Variants in DCX observed in about 807,000 individuals in gnomAD.
DCX encodes neuronal migration protein doublecortin.
In DCX, 4 loss-of-function variants were observed where a neutral mutation model predicts 20.9. The observed-to-expected ratio is 0.19, with a 90% confidence interval of 0.09 to 0.44. The LOEUF is 0.44. DCX is among the 20% of genes least tolerant of loss of function. The pLI is 0.99. For synonymous variants in DCX, 103 were observed against 111.4 expected, an observed-to-expected ratio of 0.92 and a Z score of 0.47; for missense variants, 133 against 296.9, an observed-to-expected ratio of 0.45 and a Z score of 4.06.
intron 3 of DCX, among the ~76,000 whole-genome samples, chrX:111,337,769 G>C (rs1301674736): frequency 1.8e-5 from 2 of 112,181 alleles, no homozygotes; most frequent in Admixed American, 9.5e-5. Context: ...TTCTTCAAAA[G>C]TTCAATTCTA....
chrX:111,345,354 C>T (rs1484502962), intron 3 of DCX, among the ~76,000 whole-genome samples: 1 of 111,943 alleles, frequency 8.9e-6, no homozygotes, highest in Non-Finnish European at 1.9e-5. Context: ...ACGACAAAAA[C>T]GTCAAAAGCA....
intron 3 of DCX, among the ~76,000 whole-genome samples, chrX:111,386,961 C>T (rs1361082737): frequency 9.0e-6 from 1 of 111,280 alleles, no homozygotes; most frequent in Non-Finnish European, 1.9e-5. Flanking sequence ...CTTTGAATAG[C>T]GGGTAACACA....
intron 3 of DCX, among the ~76,000 whole-genome samples, chrX:111,386,637 T>A (rs371930790): frequency 4.5e-5 from 5 of 110,619 alleles, no homozygotes; most frequent in Admixed American, 1.9e-4. Context: ...ACAGTTGGGG[T>A]TGACATAGAG....
At chrX:111,399,099 G>A (rs1927567804) in intron 3 of DCX, among the ~76,000 whole-genome samples, 1 of 111,078 alleles carries the variant, frequency 9.0e-6, no homozygotes, top group African/African-American at 3.3e-5. Flanking sequence ...GGGTGACAGA[G>A]TGAGACTCTG....
chrX:111,300,977 G>A lies in DCX; in HGVS notation c.*710C>T, dbSNP rs1464942689. ...TTATTGATTCCAAATTGCCTCAGTG[G>A]AGAGATTGACCAGGAATTCACTGTG... is the stretch of plus-strand genomic sequence containing the variant. On this transcript the variant is annotated 3_prime_UTR_variant, in exon 7 of 7. Transcript: ENST00000636035. The A allele has an allele frequency of 1.8e-5, 2 of 113,367 alleles. No individual in the cohort carries two copies. The highest frequency in any genetic ancestry group is 3.7e-5 in the Non-Finnish European group (2 of 53,957). 9.3% of individuals were successfully genotyped at this position (113,367 alleles called of 1,213,427 possible).
intron 6 of DCX, among the ~76,000 whole-genome samples, chrX:111,304,496 A>C (rs1603411686): frequency 8.9e-6 from 1 of 111,840 alleles, no homozygotes; most frequent in African/African-American, 3.2e-5. Context: ...TGTACCGGTG[A>C]AAAACAGCAA....
chrX:111,391,118 C>T (rs1031301310), intron 3 of DCX, among the ~76,000 whole-genome samples: 1 of 110,968 alleles, frequency 9.0e-6, no homozygotes, highest in Admixed American at 9.6e-5. Flanking sequence ...TTGTAATTCC[C>T]AATTTTGGAG....
In DCX at chrX:111,296,248, C is replaced by T. The variant is rs757285791; in HGVS notation, c.*5439G>A. On this transcript the variant is annotated 3_prime_UTR_variant, in exon 7 of 7. Coordinates refer to ENST00000636035, the MANE Select transcript of DCX (RefSeq NM_001195553.2). The stretch of plus-strand genomic sequence containing the variant: ...GTTATTGACCTAGTAATGAGAAACG[C>T]TAATGCCTTCAAGTCTTTGCCTTAC... 6 of 111,947 alleles carry T rather than the reference C, an allele frequency of 5.4e-5. No individual in the cohort carries two copies. The highest frequency in any genetic ancestry group is 1.9e-4 in the African/African-American group (6 of 30,803). 9.2% of individuals were successfully genotyped at this position (111,947 alleles called of 1,213,427 possible). A position where few individuals can be genotyped will look rare whatever the true frequency, so the allele number is the denominator to read the frequency against.
At chrX:111,372,843 G>A (rs773833648) in intron 3 of DCX, among the ~76,000 whole-genome samples, 1 of 111,882 alleles carries the variant, frequency 8.9e-6, no homozygotes, top group East Asian at 2.8e-4. Context: ...AAGGGAGTGA[G>A]AAGAGGATGA....
intron 3 of DCX, among the ~76,000 whole-genome samples, chrX:111,335,049 C>G (rs781298082): frequency 1.8e-5 from 2 of 111,848 alleles, no homozygotes; most frequent in Non-Finnish European, 3.8e-5. Flanking sequence ...GCCCTTAACT[C>G]TGATACACCA....
chrX:111,318,384 T>C (rs2095078802), intron 5 of DCX, among the ~76,000 whole-genome samples: 1 of 104,917 alleles, frequency 9.5e-6, no homozygotes, highest in Non-Finnish European at 1.9e-5. Flanking sequence ...ATAATAATAA[T>C]AATAACAATA....
At chrX:111,320,607 T>C (rs1007802772) in intron 5 of DCX, among the ~76,000 whole-genome samples, 1 of 111,269 alleles carries the variant, frequency 9.0e-6, no homozygotes, top group African/African-American at 3.3e-5. Flanking sequence ...AACCACAGCA[T>C]TGTCTCACTG....
intron 3 of DCX, among the ~76,000 whole-genome samples, chrX:111,364,788 G>T (rs142948932): frequency 1.8e-5 from 2 of 111,860 alleles, no homozygotes; most frequent in African/African-American, 6.5e-5. Context: ...GCTCTGAAAG[G>T]CCACAGTCAC....
intron 1 of DCX, chrX:111,411,145 AGCTGGGGGG>A: frequency 2.2e-6 from 1 of 453,914 alleles, no homozygotes; most frequent in Admixed American, 3.8e-5. Context: ...ATAAGAAATA[AGCTGGGGGG>A]AAAAAGGATT....
chrX:111,325,279 A>G (rs931337428), intron 5 of DCX, among the ~76,000 whole-genome samples: 1 of 111,258 alleles, frequency 9.0e-6, no homozygotes, highest in Non-Finnish European at 1.9e-5. Flanking sequence ...GGACCATCCA[A>G]CGTAGACCTT....
At chrX:111,386,781 G>T (rs996685088) in intron 3 of DCX, among the ~76,000 whole-genome samples, 4 of 111,410 alleles carry the variant, frequency 3.6e-5, no homozygotes, top group Non-Finnish European at 7.5e-5. Flanking sequence ...GCCTTCTGTA[G>T]GACCACAGGC....
intron 3 of DCX, among the ~76,000 whole-genome samples, chrX:111,399,440 C>G (rs1927599580): frequency 1.8e-5 from 2 of 111,533 alleles, no homozygotes; most frequent in Non-Finnish European, 3.8e-5. Context: ...TTTGCATATT[C>G]CTATATTACT....
chrX:111,372,301 T>G (rs781073538), intron 3 of DCX, among the ~76,000 whole-genome samples: 2 of 112,027 alleles, frequency 1.8e-5, no homozygotes, highest in South Asian at 7.6e-4. Context: ...TGTGCTGCAG[T>G]CGCTCAAACA....
At position 111,350,473 on chromosome X, in the gene DCX, A is replaced by G. The variant is rs375933071; in HGVS notation, c.706-17320T>C. Among the ~76,000 whole-genome samples, 62 of 112,185 alleles carry G rather than the reference A, an allele frequency of 5.5e-4. 1 individual carries two copies. In the East Asian group the frequency reaches 7.8e-3, roughly 14 times the overall value. On this transcript the variant is annotated intron_variant, in intron 3 of 6. Transcript: ENST00000636035. ...TGTAGGCAAACAGGTAATTTATTTTATGGATAACGAAACTGAGGGTCAACC... is the reference window on the plus strand; with the variant it reads ...TGTAGGCAAACAGGTAATTTATTTTGTGGATAACGAAACTGAGGGTCAACC...
Sources: gnomAD v4.1 joint callset for allele counts (sites outside exome capture counted in the v4.1 genomes callset) on GRCh38, gnomAD v4.1.1 for gene constraint, MANE v1.5 for transcripts, NCBI Gene and HGNC (gene_info 2026-07-23, HGNC 2026-07-21) for gene names.